Variants in TRIM13 observed in about 807,000 individuals in gnomAD.
TRIM13 encodes E3 ubiquitin-protein ligase TRIM13.
Under a neutral mutation model 27.1 loss-of-function variants are expected in TRIM13, and 15 were observed. That is an observed-to-expected ratio of 0.55 (90% CI 0.37 to 0.85). The LOEUF (loss-of-function observed/expected upper bound fraction) is 0.85, where lower values mean the gene tolerates loss of function less well. Ranked by LOEUF, TRIM13 falls within the 40% of genes least tolerant of loss-of-function variation. TRIM13 has a pLI of 0.00. For missense variants in TRIM13, 402 were observed against 472.2 expected (o/e 0.85, Z 1.38); for synonymous variants, 193 against 171.5 (o/e 1.13, Z -0.98).
intron 1 of TRIM13, among the ~76,000 whole-genome samples, chr13:50,001,709 G>A (rs987565131): frequency 6.6e-6 from 1 of 152,064 alleles, no homozygotes; most frequent in African/African-American, 2.4e-5. Context: ...TAGAGGTATT[G>A]AAATCTGATA....
chr13:50,017,998 T>G lies in TRIM13; in HGVS notation c.*4834T>G, dbSNP rs1443076815. The stretch of plus-strand genomic sequence containing the variant: ...CTCAAGGTCACAGTACTAGAAATAC[T>G]TGGCTTGCATCTTTCAGATGCCATT... On this transcript the variant is annotated 3_prime_UTR_variant, in exon 2 of 2. Coordinates refer to ENST00000378182, the MANE Select transcript of TRIM13 (RefSeq NM_213590.3). 2.4e-5 allele frequency: 4 copies of G among 167,070 alleles called. 1 individual carries two copies. Among genetic ancestry groups the G allele is most frequent in the Non-Finnish European group, 5.9e-5 (4 of 68,104 alleles). 10.3% of individuals were successfully genotyped at this position (167,070 alleles called of 1,614,324 possible).
chr13:50,009,553 G>A (rs1418757311), intron 1 of TRIM13, among the ~76,000 whole-genome samples: 2 of 151,874 alleles, frequency 1.3e-5, no homozygotes, highest in Non-Finnish European at 2.9e-5. Context: ...CCTGGCCAAC[G>A]TGGTGAAACC....
Position 50,012,659 on chromosome 13 carries a change from A to G in TRIM13, c.719A>G (p.Lys240Arg). The change falls in exon 2 of 2, where the codon AAA becomes AGA. Residue 240 changes from lysine to arginine, a missense_variant. Physicochemically the swap from Lys to Arg is conservative, Grantham distance 26 (BLOSUM62 2). Coordinates refer to ENST00000378182, the MANE Select transcript of TRIM13 (RefSeq NM_213590.3). ...RMAFNIAEAF[K>R]DVSEPIVFLQ... ...GCCTTTAACATTGCTGAGGCTTTCA[A>G]AGATGTGTCAGAACCCATTGTATTT... 3 of 1,614,144 alleles carry G rather than the reference A, an allele frequency of 1.9e-6. No individual in the cohort carries two copies. Among genetic ancestry groups the G allele is most frequent in the Non-Finnish European group, 2.5e-6 (3 of 1,180,020 alleles).
At position 50,014,349 on chromosome 13, in the gene TRIM13, A is replaced by ATG. The variant is rs1372871154; in HGVS notation, c.*1186_*1187insGT. The ATG allele has an allele frequency of 1.2e-5, 1 of 84,912 alleles. No homozygotes were observed. Among genetic ancestry groups the ATG allele is most frequent in the African/African-American group, 4.4e-5 (1 of 22,494 alleles). 5.3% of individuals were successfully genotyped at this position (84,912 alleles called of 1,614,324 possible). A position where few individuals can be genotyped will look rare whatever the true frequency, so the allele number is the denominator to read the frequency against. On this transcript the variant is annotated 3_prime_UTR_variant, in exon 2 of 2. Coordinates refer to ENST00000378182, the MANE Select transcript of TRIM13 (RefSeq NM_213590.3). ...AAAAAAAAAAAAAAAAAAAAAATAT[A>ATG]TATATATATATACACACACACACAC...
rs1875744829 is a variant in TRIM13 at position 50,012,171 on chromosome 13, T to C, written c.231T>C (p.Gly77=). The change falls in exon 2 of 2, where the codon GGT becomes GGC. Residue 77 remains glycine (G), a synonymous_variant. Transcript: ENST00000378182. ...NSLQVNYSLK[G]IVEKYNKIKI... Reference sequence around the variant, plus strand: ...TGCAGGTTAATTACTCCCTGAAGGGTATTGTGGAAAAGTATAACAAGATCA... The same window carrying C: ...TGCAGGTTAATTACTCCCTGAAGGGCATTGTGGAAAAGTATAACAAGATCA... 3.1e-6 allele frequency: 5 copies of C among 1,614,016 alleles called. No homozygotes were observed. In the East Asian group the frequency reaches 1.1e-4, roughly 36 times the overall value.
At chr13:50,011,884 T>G in intron 1 of TRIM13, 51 bp from the exon 2 acceptor site, 1 of 1,528,616 alleles carries the variant, frequency 6.5e-7, no homozygotes, top group Non-Finnish European at 8.8e-7. Context: ...TATTACATAG[T>G]CCTAGTGGTG....
At chr13:50,002,331 G>A (rs1420053970) in intron 1 of TRIM13, among the ~76,000 whole-genome samples, 2 of 152,148 alleles carry the variant, frequency 1.3e-5, no homozygotes, top group African/African-American at 2.4e-5. Flanking sequence ...GGAGGCTGCA[G>A]TGAGACGAGA....
chr13:50,006,291 C>A (rs564768734), intron 1 of TRIM13, among the ~76,000 whole-genome samples: 6 of 152,090 alleles, frequency 3.9e-5, no homozygotes, highest in Non-Finnish European at 7.4e-5. Flanking sequence ...CCTGAAAATT[C>A]TTCTTGGCCC....
chr13:50,013,360 T>G lies in TRIM13; in HGVS notation c.*196T>G, dbSNP rs894675475. The stretch of plus-strand genomic sequence containing the variant: ...AGTAGTATAGGCCTGAACCTTTTTT[T>G]GTTTAAAAGAGTGCTTTTGAAATAA... On this transcript the variant is annotated 3_prime_UTR_variant, in exon 2 of 2. Transcript: ENST00000378182. 4 of 485,848 alleles carry G rather than the reference T, an allele frequency of 8.2e-6. No individual in the cohort carries two copies. In the East Asian group the frequency reaches 1.5e-4, roughly 18 times the overall value. 30.1% of individuals were successfully genotyped at this position (485,848 alleles called of 1,614,324 possible).
intron 1 of TRIM13, among the ~76,000 whole-genome samples, chr13:50,006,475 T>TA (rs1874726735): frequency 6.6e-6 from 1 of 152,164 alleles, no homozygotes; most frequent in African/African-American, 2.4e-5. Context: ...TTAGGTTTCT[T>TA]TTATTGAGTG....
chr13:50,011,761 C>T (rs1875674325), intron 1 of TRIM13, among the ~76,000 whole-genome samples, 174 bp from the exon 2 acceptor site: 1 of 152,212 alleles, frequency 6.6e-6, no homozygotes, highest in South Asian at 2.1e-4. Flanking sequence ...GTTCTAGTCT[C>T]AGTGGATTAA....
intron 1 of TRIM13, among the ~76,000 whole-genome samples, chr13:49,999,456 C>T (rs1426830465): frequency 6.6e-6 from 1 of 152,132 alleles, no homozygotes; most frequent in Non-Finnish European, 1.5e-5. Context: ...TGTCCATGTC[C>T]TGAATTCTTT....
intron 1 of TRIM13, among the ~76,000 whole-genome samples, chr13:50,009,399 G>A (rs889037233): frequency 1.3e-5 from 2 of 152,062 alleles, no homozygotes; most frequent in Non-Finnish European, 2.9e-5. Flanking sequence ...CCTGAGGGCT[G>A]GATTTCTAGA....
intron 1 of TRIM13, among the ~76,000 whole-genome samples, chr13:49,998,647 A>C (rs911429250): frequency 6.6e-6 from 1 of 151,650 alleles, no homozygotes. Flanking sequence ...TCTCGGTGGA[A>C]TTTTCCTTTA....
At position 50,013,540 on chromosome 13, in the gene TRIM13, T is replaced by G. The variant is rs1445587394; in HGVS notation, c.*376T>G. On this transcript the variant is annotated 3_prime_UTR_variant, in exon 2 of 2. Coordinates refer to ENST00000378182, the MANE Select transcript of TRIM13 (RefSeq NM_213590.3). ...TCACTTTTTTTTTTTTTTTTTTTTT[T>G]GAGATGGAGTCTTGCTCTGTCGCCC... 8.6e-6 allele frequency: 1 copy of G among 116,620 alleles called. No individual in the cohort carries two copies. Among genetic ancestry groups the G allele is most frequent in the Non-Finnish European group, 2.1e-5 (1 of 48,262 alleles). The allele number at this position is 116,620 out of a possible 1,614,324, so 7.2% of individuals were successfully genotyped here.
At chr13:50,005,333 G>T (rs1170211852) in intron 1 of TRIM13, among the ~76,000 whole-genome samples, 4 of 152,146 alleles carry the variant, frequency 2.6e-5, no homozygotes, top group Non-Finnish European at 5.9e-5. Context: ...TTAGTCACTT[G>T]TGGAAGTGGT....
Position 50,016,101 on chromosome 13 carries a change from T to C in TRIM13, c.*2937T>C. The C allele has an allele frequency of 6.7e-7, 1 of 1,502,792 alleles. No individual in the cohort carries two copies. Among genetic ancestry groups the C allele is most frequent in the Non-Finnish European group, 9.2e-7 (1 of 1,085,784 alleles). The allele number at this position is 1,502,792 out of a possible 1,614,324, so 93.1% of individuals were successfully genotyped here. ...TTTGTACTTTGCAGTATTTCTCTTGTATACCAGTTTGTGATGTTTTCTCTA... is the reference window on the plus strand; with the variant it reads ...TTTGTACTTTGCAGTATTTCTCTTGCATACCAGTTTGTGATGTTTTCTCTA... On this transcript the variant is annotated 3_prime_UTR_variant, in exon 2 of 2. Transcript: ENST00000378182.
chr13:50,012,844 G>T lies in TRIM13; in HGVS notation c.904G>T (p.Asp302Tyr). Residue 302 changes from aspartate to tyrosine, a missense_variant, in exon 2 of 2, where the codon GAC (aspartate) becomes TAC (tyrosine). Around this residue, in one of 2 missense-constraint regions of TRIM13, gnomAD observed 200 missense variants for 194.7 expected, o/e 1.03. Transcript: ENST00000378182. ...TGTGGATAAACTTTCTTTGCCTCAA[G>T]ACACTGGCACATTCATTAGCAAGAT... ...VDVDKLSLPQDTGTFISKIPW... is the reference protein window; with the variant it reads ...VDVDKLSLPQYTGTFISKIPW... The T allele has an allele frequency of 1.9e-6, 3 of 1,614,112 alleles. No homozygotes were observed. The highest frequency in any genetic ancestry group is 2.5e-6 in the Non-Finnish European group (3 of 1,180,008).
At chr13:50,005,495 G>A (rs962439977) in intron 1 of TRIM13, among the ~76,000 whole-genome samples, 2 of 151,798 alleles carry the variant, frequency 1.3e-5, no homozygotes, top group Non-Finnish European at 2.9e-5. Context: ...CCAACATGGC[G>A]AAACCCTGTC....
Sources: gnomAD v4.1 joint callset for allele counts (sites outside exome capture counted in the v4.1 genomes callset) on GRCh38, gnomAD v4.1.1 for gene constraint, gnomAD v4.1.1 regional missense constraint, MANE v1.5 for transcripts, NCBI Gene and HGNC (gene_info 2026-07-23, HGNC 2026-07-21) for gene names.